Variants in CACNG3 observed in about 807,000 individuals in gnomAD.
CACNG3 encodes the protein calcium voltage-gated channel auxiliary subunit gamma 3.
Under a neutral mutation model 28.5 loss-of-function variants are expected in CACNG3, and 3 were observed. That is an observed-to-expected ratio of 0.11 (90% CI 0.05 to 0.27). The LOEUF (loss-of-function observed/expected upper bound fraction) is 0.27. Among genes scored for constraint, CACNG3 ranks in the 10% least tolerant of loss-of-function variants. The pLI, the probability that CACNG3 is intolerant of heterozygous loss-of-function variation, is 1.00. For missense variants in CACNG3, 236 were observed against 414.4 expected, an observed-to-expected ratio of 0.57 and a Z score of 3.74; for synonymous variants, 174 against 162.2, an observed-to-expected ratio of 1.07 and a Z score of -0.55.
chr16:24,302,372 T>C (rs1899124348), intron 1 of CACNG3, among the ~76,000 whole-genome samples: 1 of 152,186 alleles, frequency 6.6e-6, no homozygotes, highest in Non-Finnish European at 1.5e-5. Context: ...TGGGAGTCTG[T>C]AAGAAATGCA....
chr16:24,357,203 C>A (rs1372426223), intron 3 of CACNG3, among the ~76,000 whole-genome samples: 1 of 147,354 alleles, frequency 6.8e-6, no homozygotes, highest in Non-Finnish European at 1.5e-5. Context: ...CACTGCACTC[C>A]AGCCTGGTGA....
At chr16:24,259,876 T>C (rs1331141332) in intron 1 of CACNG3, among the ~76,000 whole-genome samples, 1 of 152,214 alleles carries the variant, frequency 6.6e-6, no homozygotes, top group Non-Finnish European at 1.5e-5. Flanking sequence ...CAGATTCTCA[T>C]GAGGAACTTT....
intron 1 of CACNG3, among the ~76,000 whole-genome samples, chr16:24,283,258 A>C (rs940727310): frequency 7.9e-5 from 12 of 152,170 alleles, no homozygotes; most frequent in African/African-American, 2.7e-4. Context: ...TTGAGATATT[A>C]ATTTTAAAAT....
In CACNG3 at chr16:24,265,816, T is replaced by C. The variant is rs547877196; in HGVS notation, c.211+8851T>C. Among the ~76,000 whole-genome samples the C allele has an allele frequency of 7.9e-5, 12 of 152,354 alleles. 1 individual carries two copies. Among genetic ancestry groups the C allele is most frequent in the Admixed American group, 3.9e-4 (6 of 15,306 alleles). On this transcript the variant is annotated intron_variant, in intron 1 of 3. Coordinates refer to ENST00000005284, the MANE Select transcript of CACNG3 (RefSeq NM_006539.4). ...TTATTTCTTGTCATTTATATTTCTA[T>C]ATAATATCCTCAATTTTGCTGCTTG...
chr16:24,329,910 C>A (rs1173891038), intron 1 of CACNG3, among the ~76,000 whole-genome samples: 1 of 152,132 alleles, frequency 6.6e-6, no homozygotes, highest in Non-Finnish European at 1.5e-5. Context: ...ATGGCATGCA[C>A]CTGTAATTCC....
At chr16:24,314,847 G>A (rs1442397172) in intron 1 of CACNG3, among the ~76,000 whole-genome samples, 11 of 150,356 alleles carry the variant, frequency 7.3e-5, no homozygotes. Context: ...TAGGTGACAG[G>A]AGGATGGAAA....
intron 1 of CACNG3, among the ~76,000 whole-genome samples, chr16:24,278,865 C>G (rs1898784689): frequency 6.6e-6 from 1 of 152,164 alleles, no homozygotes; most frequent in Non-Finnish European, 1.5e-5. Flanking sequence ...TTCTTATCTA[C>G]CAAGCTGACT....
chr16:24,352,644 T>C (rs1407465249), intron 2 of CACNG3, among the ~76,000 whole-genome samples: 1 of 151,770 alleles, frequency 6.6e-6, no homozygotes, highest in Non-Finnish European at 1.5e-5. Flanking sequence ...GCTTAAGTGA[T>C]CCTCCTACCT....
Position 24,361,909 on chromosome 16 carries a change from AG to A in CACNG3, c.*47del. On this transcript the variant is annotated 3_prime_UTR_variant, in exon 4 of 4. Coordinates refer to ENST00000005284, the MANE Select transcript of CACNG3 (RefSeq NM_006539.4). This position sits in a 1 kb window ranked among gnomAD's most constrained non-coding sequence, Gnocchi z 6.8. ...CCACGCCCAGCACAGCCTTGGGGGA[AG>A]TGTACAGAGATGTCTCTGAGGTTGC... 6.5e-7 allele frequency: 1 copy of A among 1,543,554 alleles called. No homozygotes were observed. Among genetic ancestry groups the A allele is most frequent in the Non-Finnish European group, 8.7e-7 (1 of 1,146,488 alleles).
intron 1 of CACNG3, among the ~76,000 whole-genome samples, chr16:24,269,196 G>T (rs553702542): frequency 6.6e-6 from 1 of 152,024 alleles, no homozygotes; most frequent in Non-Finnish European, 1.5e-5. Flanking sequence ...AAAACTATCC[G>T]CCACAACTCC....
chr16:24,343,645 A>G (rs1299511509), intron 1 of CACNG3, among the ~76,000 whole-genome samples: 1 of 152,144 alleles, frequency 6.6e-6, no homozygotes, highest in Non-Finnish European at 1.5e-5. Flanking sequence ...CACAATACAG[A>G]CTTGTTGAAG....
intron 1 of CACNG3, among the ~76,000 whole-genome samples, chr16:24,273,346 C>A (rs1046167202): frequency 3.3e-5 from 5 of 152,080 alleles, no homozygotes; most frequent in African/African-American, 9.7e-5. Flanking sequence ...AGCAAACTCA[C>A]TCCTCCCTCT....
At chr16:24,299,334 T>A (rs1899075637) in intron 1 of CACNG3, among the ~76,000 whole-genome samples, 1 of 152,234 alleles carries the variant, frequency 6.6e-6, no homozygotes, top group Admixed American at 6.5e-5. Context: ...GCACTGGGAA[T>A]GCTTTCAGCT....
chr16:24,289,911 G>T (rs993520181), intron 1 of CACNG3, among the ~76,000 whole-genome samples: 1 of 152,218 alleles, frequency 6.6e-6, no homozygotes, highest in African/African-American at 2.4e-5. Context: ...AGTAATGTTG[G>T]CTATTACTTA....
At chr16:24,335,065 A>G (rs1017867758) in intron 1 of CACNG3, among the ~76,000 whole-genome samples, 1 of 152,182 alleles carries the variant, frequency 6.6e-6, no homozygotes, top group Non-Finnish European at 1.5e-5. Context: ...GGATTTTGCA[A>G]GAGCTCAGGG....
chr16:24,327,534 C>T (rs1379483943), intron 1 of CACNG3, among the ~76,000 whole-genome samples: 7 of 145,212 alleles, frequency 4.8e-5, no homozygotes, highest in African/African-American at 1.8e-4. Flanking sequence ...TTGGGGGGAT[C>T]GTTTGAGCTC....
chr16:24,299,381 A>G (rs1485249247), intron 1 of CACNG3, among the ~76,000 whole-genome samples: 3 of 152,144 alleles, frequency 2.0e-5, no homozygotes, highest in Non-Finnish European at 4.4e-5. Flanking sequence ...CCCATCAATG[A>G]GTATTTTGAA....
At chr16:24,306,681 G>A (rs1056572064) in intron 1 of CACNG3, among the ~76,000 whole-genome samples, 4 of 152,050 alleles carry the variant, frequency 2.6e-5, no homozygotes, top group African/African-American at 9.7e-5. Flanking sequence ...TTTGCATCGG[G>A]CAGGATACTC....
intron 1 of CACNG3, among the ~76,000 whole-genome samples, chr16:24,341,462 C>T (rs188127747): frequency 2.8e-4 from 42 of 152,296 alleles, no homozygotes; most frequent in Non-Finnish European, 5.4e-4. Flanking sequence ...TACTGAGTTC[C>T]TACCATACTC....
Sources: gnomAD v4.1 joint callset for allele counts (sites outside exome capture counted in the v4.1 genomes callset) on GRCh38, gnomAD v4.1.1 for gene constraint, Gnocchi (gnomAD v3.1) non-coding constraint, MANE v1.5 for transcripts, NCBI Gene and HGNC (gene_info 2026-07-23, HGNC 2026-07-21) for gene names.